Variants in AFF1 observed in about 807,000 individuals in gnomAD.
AFF1 encodes ALF transcription elongation factor 1.
In AFF1, 48 loss-of-function variants were observed where a neutral mutation model predicts 121.7. That is an observed-to-expected ratio of 0.39 (90% confidence interval 0.31 to 0.50). The LOEUF (loss-of-function observed/expected upper bound fraction) is 0.50. Among genes scored for constraint, AFF1 ranks in the 20% least tolerant of loss-of-function variants. The pLI, the probability that AFF1 is intolerant of heterozygous loss-of-function variation, is 0.76. For missense variants in AFF1, 1,523 were observed against 1,511.7 expected (o/e 1.01, Z -0.12); for synonymous variants, 613 against 563.0 (o/e 1.09, Z -1.26).
At chr4:87,017,483 G>A (rs1410893163) in intron 2 of AFF1, among the ~76,000 whole-genome samples, 1 of 152,124 alleles carries the variant, frequency 6.6e-6, no homozygotes, top group Non-Finnish European at 1.5e-5. Context: ...GCCAAATTAA[G>A]TTTAAAATGC....
At chr4:87,044,163 T>C (rs1165105638) in intron 2 of AFF1, among the ~76,000 whole-genome samples, 1 of 152,202 alleles carries the variant, frequency 6.6e-6, no homozygotes, top group Non-Finnish European at 1.5e-5. Flanking sequence ...GTCAGGCAGC[T>C]AATTTCTCTC....
At chr4:87,005,404 G>T (rs1475381048) in intron 2 of AFF1, among the ~76,000 whole-genome samples, 2 of 152,210 alleles carry the variant, frequency 1.3e-5, no homozygotes, top group Non-Finnish European at 2.9e-5. Context: ...AAGCTGGCAA[G>T]ATTATGTGGC....
At chr4:87,099,205 T>C (rs1470253093) in intron 8 of AFF1, among the ~76,000 whole-genome samples, 2 of 152,210 alleles carry the variant, frequency 1.3e-5, no homozygotes, top group African/African-American at 2.4e-5. Context: ...ATAAATATTA[T>C]GGAAGTGGTA....
chr4:87,012,217 C>A (rs200145996), intron 2 of AFF1, among the ~76,000 whole-genome samples: 1 of 115,100 alleles, frequency 8.7e-6, no homozygotes, highest in Non-Finnish European at 1.8e-5. Context: ...CATTTCATTT[C>A]TTGTTTTTTT....
chr4:86,936,065 T>C (rs1336135014), intron 1 of AFF1: 3 of 152,142 alleles, frequency 2.0e-5, no homozygotes, highest in Non-Finnish European at 4.4e-5. Context: ...TAGTTTTCTC[T>C]TCCCGGAGCT....
At chr4:86,971,402 A>T (rs951949376) in intron 2 of AFF1, among the ~76,000 whole-genome samples, 5 of 152,204 alleles carry the variant, frequency 3.3e-5, no homozygotes, top group African/African-American at 1.2e-4. Flanking sequence ...ATTTTCTAGA[A>T]TTCTGAGTCA....
At chr4:87,126,750 G>A (rs910725524) in intron 14 of AFF1, among the ~76,000 whole-genome samples, 1 of 152,024 alleles carries the variant, frequency 6.6e-6, no homozygotes, top group Non-Finnish European at 1.5e-5. Flanking sequence ...GGAGTGGAGT[G>A]GTGTGTTTGG....
intron 2 of AFF1, among the ~76,000 whole-genome samples, chr4:86,992,931 TTGAG>T (rs544867376): frequency 1.1e-3 from 161 of 152,278 alleles, no homozygotes; most frequent in Middle Eastern, 3.4e-3. Flanking sequence ...AGCCCTTTCT[TTGAG>T]TGAGTAAGTT....
At chr4:87,023,539 C>T (rs1728239949) in intron 2 of AFF1, among the ~76,000 whole-genome samples, 1 of 152,074 alleles carries the variant, frequency 6.6e-6, no homozygotes, top group South Asian at 2.1e-4. Context: ...CATGGTTGAA[C>T]TGGCTAGAGT....
At chr4:86,977,871 G>A (rs554461443) in intron 2 of AFF1, among the ~76,000 whole-genome samples, 1 of 152,252 alleles carries the variant, frequency 6.6e-6, no homozygotes, top group African/African-American at 2.4e-5. Context: ...CGTTGCTATG[G>A]GAGAGTGTTT....
chr4:86,974,773 A>G (rs1209663178), intron 2 of AFF1, among the ~76,000 whole-genome samples: 2 of 152,220 alleles, frequency 1.3e-5, no homozygotes, highest in African/African-American at 4.8e-5. Context: ...TGCTCACGTT[A>G]AGTTAAATTC....
chr4:86,946,296 T>C (rs1286514843), intron 1 of AFF1, among the ~76,000 whole-genome samples: 1 of 152,200 alleles, frequency 6.6e-6, no homozygotes, highest in Admixed American at 6.5e-5. Context: ...TTTTACTGAA[T>C]GTGTCTTTGC....
At chr4:87,033,854 A>G (rs775329772) in intron 2 of AFF1, among the ~76,000 whole-genome samples, 2 of 152,184 alleles carry the variant, frequency 1.3e-5, no homozygotes, top group Non-Finnish European at 2.9e-5. Context: ...TAAAAAAACT[A>G]TTGAGTCTCT....
chr4:86,965,065 T>G (rs1722439580), intron 2 of AFF1, among the ~76,000 whole-genome samples: 1 of 152,248 alleles, frequency 6.6e-6, no homozygotes, highest in African/African-American at 2.4e-5. Context: ...GGTATTTATT[T>G]GACCTTTCTT....
intron 2 of AFF1, among the ~76,000 whole-genome samples, chr4:86,986,030 TAATTC>T (rs879704329): frequency 0.037 from 5,372 of 143,898 alleles, 126 homozygotes; most frequent in South Asian, 0.067. Flanking sequence ...TTTTAAAATT[TAATTC>T]AATTCAATTT....
chr4:86,941,682 T>A lies in AFF1; in HGVS notation c.-37+6442T>A, dbSNP rs1227959268. On this transcript the variant is annotated intron_variant, in intron 1 of 20. Coordinates refer to ENST00000395146, the MANE Select transcript of AFF1 (RefSeq NM_001166693.3). The stretch of plus-strand genomic sequence containing the variant: ...TAAATAAATAAATAAATAAATAAAA[T>A]AAAAAATAGCCAGGCATGGTGTTGC... 2.7e-5 allele frequency among the ~76,000 whole-genome samples: 4 copies of A among 149,242 alleles called. No individual in the cohort carries two copies. The East Asian group carries it at 7.8e-4, about 29-fold the overall frequency.
chr4:87,097,702 G>T (rs1725007655), intron 8 of AFF1, among the ~76,000 whole-genome samples: 1 of 152,130 alleles, frequency 6.6e-6, no homozygotes, highest in East Asian at 1.9e-4. Context: ...GATAATGAGG[G>T]TTGTGTGGAC....
At chr4:87,052,620 T>A (rs1043759479) in intron 4 of AFF1, among the ~76,000 whole-genome samples, 1 of 151,970 alleles carries the variant, frequency 6.6e-6, no homozygotes, top group Non-Finnish European at 1.5e-5. Context: ...GAGGGACATA[T>A]CTACTTTTTT....
intron 3 of AFF1, 29 bp from the exon 4 acceptor site, chr4:87,046,666 T>A: frequency 6.4e-7 from 1 of 1,573,924 alleles, no homozygotes; most frequent in Non-Finnish European, 8.6e-7. Context: ...TTAGTTTTTT[T>A]TCATTCTCAA....
Sources: gnomAD v4.1 joint callset for allele counts (sites outside exome capture counted in the v4.1 genomes callset) on GRCh38, gnomAD v4.1.1 for gene constraint, MANE v1.5 for transcripts, NCBI Gene and HGNC (gene_info 2026-07-23, HGNC 2026-07-21) for gene names.